MALRD1: variants seen among roughly 807,000 people sequenced by gnomAD.
MALRD1 encodes MAM and LDL-receptor class A domain-containing protein 1.
Under a neutral mutation model 242.1 loss-of-function variants are expected in MALRD1, and 247 were observed. That is an observed-to-expected ratio of 1.02 (90% CI 0.92 to 1.13). MALRD1 has a LOEUF of 1.13. MALRD1 is among the 50% of genes most tolerant of loss of function. The pLI is 0.00. For synonymous variants in MALRD1, 995 were observed against 866.6 expected, an observed-to-expected ratio of 1.15 and a Z score of -2.60; for missense variants, 2,989 against 2,533.1, an observed-to-expected ratio of 1.18 and a Z score of -3.86.
chr10:19,635,238 C>G (rs889105293), intron 36 of MALRD1, among the ~76,000 whole-genome samples: 2 of 151,958 alleles, frequency 1.3e-5, no homozygotes, highest in African/African-American at 4.8e-5. Flanking sequence ...AAATAAAACT[C>G]CAAGATAGTA....
chr10:19,699,806 A>G (rs545605651), intron 38 of MALRD1, among the ~76,000 whole-genome samples: 3 of 151,934 alleles, frequency 2.0e-5, no homozygotes, highest in Non-Finnish European at 4.4e-5. Context: ...AAACGACCAG[A>G]TCTGGTGAGA....
intron 28 of MALRD1, among the ~76,000 whole-genome samples, chr10:19,410,812 A>G (rs909528934): frequency 6.6e-6 from 1 of 152,102 alleles, no homozygotes; most frequent in Non-Finnish European, 1.5e-5. Context: ...CTTATTGGAT[A>G]GTGCAGAATA....
At chr10:19,649,684 G>T (rs905765891) in intron 36 of MALRD1, among the ~76,000 whole-genome samples, 1 of 152,062 alleles carries the variant, frequency 6.6e-6, no homozygotes, top group African/African-American at 2.4e-5. Flanking sequence ...TGGGTTGTCT[G>T]TTTACTCTGT....
intron 36 of MALRD1, among the ~76,000 whole-genome samples, chr10:19,685,128 G>C (rs954535170): frequency 2.6e-5 from 4 of 152,006 alleles, no homozygotes; most frequent in African/African-American, 9.7e-5. Flanking sequence ...ATATCACATG[G>C]TCCATAAATG....
intron 31 of MALRD1, among the ~76,000 whole-genome samples, chr10:19,507,850 A>G (rs368029658): frequency 6.6e-6 from 1 of 152,232 alleles, no homozygotes; most frequent in South Asian, 2.1e-4. Context: ...AAGTAAAATA[A>G]TGTACATTGG....
Position 19,661,308 on chromosome 10 carries a change from T to A in MALRD1, c.6138-30974T>A, listed in dbSNP as rs188172343. ...GGGTATATACCCAAAGGATTATAAA[T>A]CATACTGCTATAAAGACACATGCAC... On this transcript the variant is annotated intron_variant, in intron 36 of 39. Coordinates refer to ENST00000454679, the MANE Select transcript of MALRD1 (RefSeq NM_001142308.3). Among the ~76,000 whole-genome samples the A allele has an allele frequency of 4.1e-3, 627 of 152,248 alleles. 10 individuals carry two copies. The East Asian group carries it at 0.053, about 13-fold the overall frequency.
intron 14 of MALRD1, among the ~76,000 whole-genome samples, chr10:19,191,149 A>G (rs1011753791): frequency 5.9e-5 from 9 of 152,222 alleles, no homozygotes; most frequent in African/African-American, 2.2e-4. Context: ...AAATATTTTA[A>G]TGGACATTTC....
At chr10:19,472,738 A>G (rs1453139452) in intron 29 of MALRD1, among the ~76,000 whole-genome samples, 1 of 151,850 alleles carries the variant, frequency 6.6e-6, no homozygotes, top group East Asian at 1.9e-4. Flanking sequence ...CTGTGGTAAC[A>G]GTGGTAATGT....
chr10:19,412,302 T>C (rs1037777117), intron 28 of MALRD1, among the ~76,000 whole-genome samples: 1 of 152,132 alleles, frequency 6.6e-6, no homozygotes, highest in African/African-American at 2.4e-5. Flanking sequence ...AATACATAAA[T>C]ACAAGTTTAT....
intron 8 of MALRD1, among the ~76,000 whole-genome samples, chr10:19,131,766 C>A (rs1030693239): frequency 6.6e-6 from 1 of 152,006 alleles, no homozygotes; most frequent in Admixed American, 6.6e-5. Flanking sequence ...AAAGGTAAAT[C>A]GGCATTATTG....
intron 28 of MALRD1, among the ~76,000 whole-genome samples, chr10:19,403,136 A>G (rs887862458): frequency 3.3e-5 from 5 of 152,186 alleles, no homozygotes; most frequent in African/African-American, 1.2e-4. Context: ...GGAATTATCT[A>G]TGCAGTCTAA....
intron 36 of MALRD1, among the ~76,000 whole-genome samples, chr10:19,629,656 G>A (rs1165348949): frequency 6.6e-6 from 1 of 152,118 alleles, no homozygotes; most frequent in Non-Finnish European, 1.5e-5. Context: ...GTGTGCATGT[G>A]GCCAACGCAC....
At chr10:19,538,467 C>T (rs1319234460) in intron 32 of MALRD1, among the ~76,000 whole-genome samples, 5 of 152,110 alleles carry the variant, frequency 3.3e-5, no homozygotes, top group Non-Finnish European at 7.4e-5. Flanking sequence ...CAAATTAATG[C>T]ACTCTTTAAA....
At chr10:19,098,566 T>G (rs1836129527) in intron 4 of MALRD1, among the ~76,000 whole-genome samples, 2 of 152,198 alleles carry the variant, frequency 1.3e-5, no homozygotes, top group Non-Finnish European at 2.9e-5. Context: ...ACTCTCATCA[T>G]TTTGTGTCTC....
At chr10:19,292,962 CT>C (rs1336606404) in intron 21 of MALRD1, among the ~76,000 whole-genome samples, 20 of 150,072 alleles carry the variant, frequency 1.3e-4, no homozygotes, top group African/African-American at 4.9e-4. Flanking sequence ...CCTTCTATAT[CT>C]AGTGCTGGAT....
At chr10:19,370,837 A>C (rs1845339315) in intron 26 of MALRD1, among the ~76,000 whole-genome samples, 2 of 152,122 alleles carry the variant, frequency 1.3e-5, no homozygotes, top group East Asian at 3.9e-4. Context: ...TTGGCCTCCC[A>C]AAGTGCTGGG....
intron 36 of MALRD1, among the ~76,000 whole-genome samples, chr10:19,681,515 T>G (rs1842371417): frequency 6.6e-6 from 1 of 152,254 alleles, no homozygotes; most frequent in East Asian, 1.9e-4. Context: ...ATCAGGTTAT[T>G]TATGCTTGCC....
chr10:19,370,191 T>C (rs1436800377), intron 26 of MALRD1, among the ~76,000 whole-genome samples: 1 of 152,152 alleles, frequency 6.6e-6, no homozygotes, highest in African/African-American at 2.4e-5. Context: ...TGGTACTTTG[T>C]TCTCTTTCAT....
intron 21 of MALRD1, among the ~76,000 whole-genome samples, chr10:19,308,136 A>ATT (rs201665479): frequency 6.6e-6 from 1 of 150,930 alleles, no homozygotes; most frequent in African/African-American, 2.4e-5. Flanking sequence ...GTTTCTTTCT[A>ATT]TTTTTTTTAT....
Sources: allele counts gnomAD v4.1 joint callset (sites outside exome capture counted in the v4.1 genomes callset), GRCh38; gene constraint gnomAD v4.1.1; transcripts MANE v1.5; gene names NCBI Gene and HGNC (gene_info 2026-07-23, HGNC 2026-07-21).